GARRE1: variants seen among roughly 807,000 people sequenced by gnomAD.
GARRE1 encodes the protein granule associated Rac and RHOG effector protein 1.
GARRE1 carries 49 observed loss-of-function variants against 103.2 expected under a neutral mutation model. The observed-to-expected ratio is 0.47, with a 90% CI of 0.38 to 0.60. The LOEUF is 0.60. GARRE1 is among the 20% of genes least tolerant of loss of function. The pLI, the probability that GARRE1 is intolerant of heterozygous loss-of-function variation, is 0.00. For synonymous variants in GARRE1, 505 were observed against 532.8 expected, an observed-to-expected ratio of 0.95 and a Z score of 0.72; for missense variants, 1,199 against 1,370.5, an observed-to-expected ratio of 0.87 and a Z score of 1.98.
chr19:34,256,884 AT>A (rs573540102), intron 1 of GARRE1, among the ~76,000 whole-genome samples: 31 of 150,312 alleles, frequency 2.1e-4, no homozygotes, highest in African/African-American at 5.6e-4. Context: ...CATGTTTGAG[AT>A]TTTTTTTTTC....
Position 34,341,923 on chromosome 19 carries a change from G to A in GARRE1, c.1989G>A (p.Gln663=), listed in dbSNP as rs758250161. 1.2e-6 allele frequency: 2 copies of A among 1,614,174 alleles called. No homozygotes were observed. The highest frequency in any genetic ancestry group is 8.5e-7 in the Non-Finnish European group (1 of 1,180,028). ...GCTTTAACATGGGCCAGTCACATCA[G>A]GGCTCTCCGTTGGTGACAAGGCATA... ...LSGFNMGQSH[Q]GSPLVTRHNS... The change falls in exon 10 of 14, where the codon CAG becomes CAA. Residue 663 remains glutamine (Q), a synonymous_variant. Transcript: ENST00000299505.
chr19:34,261,643 T>C (rs1178115372), intron 1 of GARRE1, among the ~76,000 whole-genome samples: 1 of 152,116 alleles, frequency 6.6e-6, no homozygotes, highest in African/African-American at 2.4e-5. Context: ...GGGAGGACTC[T>C]TGGGCAGGGG....
intron 1 of GARRE1, among the ~76,000 whole-genome samples, chr19:34,261,847 C>G (rs1291096255): frequency 6.6e-6 from 1 of 152,178 alleles, no homozygotes; most frequent in East Asian, 1.9e-4. Context: ...GTGCTGAGTC[C>G]TTCGACTCAC....
At position 34,335,763 on chromosome 19, in the gene GARRE1, T is replaced by A. The variant is rs548945252; in HGVS notation, c.1361+1962T>A. Reference sequence around the variant, plus strand: ...CTGGTCTTGAACTCCTGACCTCAGGTGATCCACCTGCTTCGGCCTCCCAAA... The same window carrying A: ...CTGGTCTTGAACTCCTGACCTCAGGAGATCCACCTGCTTCGGCCTCCCAAA... On this transcript the variant is annotated intron_variant, in intron 8 of 13. Transcript: ENST00000299505. 6.6e-5 allele frequency among the ~76,000 whole-genome samples: 10 copies of A among 152,304 alleles called. No individual in the cohort carries two copies. In the South Asian group the frequency reaches 2.1e-3, roughly 32 times the overall value.
chr19:34,286,983 C>T (rs1039196560), intron 1 of GARRE1, among the ~76,000 whole-genome samples: 1 of 151,488 alleles, frequency 6.6e-6, no homozygotes, highest in Admixed American at 6.6e-5. Context: ...GTGTATTCTC[C>T]AAAAAATTAG....
chr19:34,284,954 G>A (rs1021460507), intron 1 of GARRE1, among the ~76,000 whole-genome samples: 1 of 152,118 alleles, frequency 6.6e-6, no homozygotes, highest in African/African-American at 2.4e-5. Context: ...CTACTGGGGA[G>A]GCTGCAGTAG....
intron 3 of GARRE1, among the ~76,000 whole-genome samples, chr19:34,325,168 T>C (rs1406127902): frequency 3.3e-5 from 5 of 152,216 alleles, no homozygotes; most frequent in Admixed American, 1.3e-4. Context: ...TCTAGTTTAC[T>C]GGCTTCTCCT....
chr19:34,289,253 T>C (rs986721530), intron 1 of GARRE1, among the ~76,000 whole-genome samples: 2 of 151,382 alleles, frequency 1.3e-5, no homozygotes, highest in Non-Finnish European at 2.9e-5. Context: ...CGCAACATGG[T>C]GAAACCCTAT....
intron 1 of GARRE1, among the ~76,000 whole-genome samples, chr19:34,266,822 G>A (rs1467001797): frequency 6.6e-6 from 1 of 151,822 alleles, no homozygotes; most frequent in Non-Finnish European, 1.5e-5. Flanking sequence ...CTTCTCCATA[G>A]TGAGAAAAAA....
At chr19:34,261,992 CTTTTTT>C (rs904311323) in intron 1 of GARRE1, among the ~76,000 whole-genome samples, 1 of 150,910 alleles carries the variant, frequency 6.6e-6, no homozygotes, top group South Asian at 2.1e-4. Flanking sequence ...GTCTCCCTGC[CTTTTTT>C]TTTGAAATGG....
At chr19:34,284,773 G>A (rs1273238360) in intron 1 of GARRE1, among the ~76,000 whole-genome samples, 1 of 152,116 alleles carries the variant, frequency 6.6e-6, no homozygotes, top group Non-Finnish European at 1.5e-5. Context: ...AAGAAAATAC[G>A]GAAAAGAAAT....
intron 8 of GARRE1, among the ~76,000 whole-genome samples, chr19:34,334,563 G>A (rs566145721): frequency 1.3e-5 from 2 of 151,952 alleles, no homozygotes; most frequent in Non-Finnish European, 2.9e-5. Context: ...TCCAGGCATG[G>A]TGGTGGGTGC....
intron 1 of GARRE1, among the ~76,000 whole-genome samples, chr19:34,274,494 A>T (rs1255097606): frequency 6.6e-6 from 1 of 152,226 alleles, no homozygotes; most frequent in Admixed American, 6.5e-5. Context: ...GCCTTGTTCA[A>T]GTAGGCAGAT....
intron 8 of GARRE1, 128 bp from the exon 9 acceptor site, chr19:34,339,739 C>T (rs898322985): frequency 1.9e-6 from 2 of 1,070,734 alleles, no homozygotes; most frequent in East Asian, 2.4e-5. Context: ...TCTCCATGTT[C>T]TTACAGTTAC....
intron 2 of GARRE1, among the ~76,000 whole-genome samples, chr19:34,310,484 T>C (rs1301354983): frequency 2.6e-5 from 4 of 152,190 alleles, no homozygotes; most frequent in Non-Finnish European, 5.9e-5. Flanking sequence ...AATGGTGAAA[T>C]GTCCAGAGCC....
intron 1 of GARRE1, among the ~76,000 whole-genome samples, chr19:34,271,245 C>CTTTTT (rs1199086211): frequency 4.5e-4 from 48 of 105,562 alleles, no homozygotes; most frequent in East Asian, 5.5e-4. Flanking sequence ...TGTGCACTTT[C>CTTTTT]TTTTTTTTTT....
At chr19:34,305,311 C>A (rs191618262) in intron 2 of GARRE1, among the ~76,000 whole-genome samples, 1 of 152,236 alleles carries the variant, frequency 6.6e-6, no homozygotes, top group Admixed American at 6.5e-5. Context: ...ACATAAAGAA[C>A]CACGTTGTTC....
At chr19:34,298,438 C>A (rs945670530) in intron 1 of GARRE1, among the ~76,000 whole-genome samples, 2 of 147,910 alleles carry the variant, frequency 1.4e-5, no homozygotes, top group Non-Finnish European at 3.0e-5. Flanking sequence ...GTTGGCCAGG[C>A]GCAGTGGCTC....
At position 34,315,703 on chromosome 19, in the gene GARRE1, T is replaced by G. The variant is rs538691987; in HGVS notation, c.496-4204T>G. ...TCCAGCCTGGGCAACAGAGCAAGAC[T>G]CTGTCTCAAAAAAAAAAAAAAAAAA... is the stretch of plus-strand genomic sequence containing the variant. On this transcript the variant is annotated intron_variant, in intron 2 of 13. Coordinates refer to ENST00000299505, the MANE Select transcript of GARRE1 (RefSeq NM_014686.5). Among the ~76,000 whole-genome samples the G allele has an allele frequency of 3.0e-5, 3 of 100,500 alleles. No individual in the cohort carries two copies. In the Admixed American group the frequency reaches 3.3e-4, roughly 11 times the overall value. The allele number at this position is 100,500 out of a possible 152,430, so 65.9% of individuals were successfully genotyped here. A position where few individuals can be genotyped will look rare whatever the true frequency, so the allele number is the denominator to read the frequency against.
Sources: gnomAD v4.1 joint callset for allele counts (sites outside exome capture counted in the v4.1 genomes callset) on GRCh38, gnomAD v4.1.1 for gene constraint, MANE v1.5 for transcripts, NCBI Gene and HGNC (gene_info 2026-07-23, HGNC 2026-07-21) for gene names.